Variants in MLLT3 observed in about 807,000 individuals in gnomAD.
The protein encoded by MLLT3 is MLLT3 super elongation complex subunit, also known as protein AF-9.
MLLT3 carries 4 observed loss-of-function variants against 53.2 expected under a neutral mutation model. The ratio of observed to expected loss-of-function variants is 0.08; its 90% CI spans 0.04 to 0.17. MLLT3 has a LOEUF of 0.17. MLLT3 is among the 10% of genes least tolerant of loss of function. The pLI, the probability that MLLT3 is intolerant of heterozygous loss-of-function variation, is 1.00. For synonymous variants in MLLT3, 283 were observed against 230.6 expected (o/e 1.23, Z -2.06); for missense variants, 569 against 684.0 (o/e 0.83, Z 1.87).
At position 20,585,858 on chromosome 9, in the gene MLLT3, G is replaced by A. The variant is rs376628048; in HGVS notation, c.193+34796C>T. On this transcript the variant is annotated intron_variant, in intron 2 of 10. Coordinates refer to ENST00000380338, the MANE Select transcript of MLLT3 (RefSeq NM_004529.4). ...AATATATTAAGACCTTTCTAATACA[G>A]TCAAGAATACCAAACACTAAACAGA... 2.6e-5 allele frequency among the ~76,000 whole-genome samples: 4 copies of A among 152,274 alleles called. 1 individual carries two copies. The highest frequency in any genetic ancestry group is 2.1e-4 in the South Asian group (1 of 4,824).
chr9:20,471,987 C>T (rs1314210325), intron 2 of MLLT3, among the ~76,000 whole-genome samples: 1 of 151,966 alleles, frequency 6.6e-6, no homozygotes, highest in East Asian at 1.9e-4. Flanking sequence ...TACTGTTAAA[C>T]TGTTAAGGTG....
chr9:20,491,642 T>A (rs1211990819), intron 2 of MLLT3, among the ~76,000 whole-genome samples: 2 of 152,104 alleles, frequency 1.3e-5, no homozygotes, highest in African/African-American at 4.8e-5. Context: ...AGAGACTCAG[T>A]CAAAACTCAA....
At chr9:20,465,935 T>G (rs1467689859) in intron 2 of MLLT3, among the ~76,000 whole-genome samples, 1 of 152,132 alleles carries the variant, frequency 6.6e-6, no homozygotes, top group Non-Finnish European at 1.5e-5. Context: ...CTTTCAATCT[T>G]CTTCAAGAAA....
rs947134122 is a variant in MLLT3, at chr9:20,592,607, G to C, written c.193+28047C>G. ...AGTCATTCTTAGAACTTCAACATAC[G>C]AATTTGTGGTGCATGGGTAGGGGGC... On this transcript the variant is annotated intron_variant, in intron 2 of 10. Transcript: ENST00000380338. Among the ~76,000 whole-genome samples, 4 of 152,094 alleles carry C rather than the reference G, an allele frequency of 2.6e-5. No individual in the cohort carries two copies. In the South Asian group the frequency reaches 6.2e-4, roughly 24 times the overall value.
intron 2 of MLLT3, among the ~76,000 whole-genome samples, chr9:20,547,530 G>A (rs767275858): frequency 5.9e-5 from 9 of 151,646 alleles, no homozygotes; most frequent in Non-Finnish European, 8.8e-5. Context: ...TGTAATCCCA[G>A]CTACTCGGGA....
In MLLT3 at chr9:20,548,197, C is replaced by A. The variant is rs144939043; in HGVS notation, c.193+72457G>T. ...AGAATTCAATTCTCTAATCTAACCA[C>A]ATTTCAAGTACTCAACAGTCAAATT... On this transcript the variant is annotated intron_variant, in intron 2 of 10. Transcript: ENST00000380338. Among the ~76,000 whole-genome samples, 15 of 152,326 alleles carry A rather than the reference C, an allele frequency of 9.8e-5. No homozygotes were observed. In the East Asian group the frequency reaches 2.3e-3, roughly 23 times the overall value.
At chr9:20,400,057 G>C (rs1022679594) in intron 5 of MLLT3, among the ~76,000 whole-genome samples, 4 of 151,434 alleles carry the variant, frequency 2.6e-5, no homozygotes, top group African/African-American at 9.7e-5. Flanking sequence ...AAAAAAAAGA[G>C]ATAATCTTAC....
chr9:20,573,538 T>C (rs1186041969), intron 2 of MLLT3, among the ~76,000 whole-genome samples: 2 of 150,316 alleles, frequency 1.3e-5, no homozygotes, highest in African/African-American at 2.5e-5. Flanking sequence ...AAAATGGAAA[T>C]GAATGAAGAC....
intron 4 of MLLT3, among the ~76,000 whole-genome samples, chr9:20,426,640 T>C (rs1586941040): frequency 6.6e-6 from 1 of 152,138 alleles, no homozygotes; most frequent in Admixed American, 6.6e-5. Context: ...CGCAAAGGAA[T>C]ATGCTGAAAC....
intron 4 of MLLT3, among the ~76,000 whole-genome samples, chr9:20,424,484 A>T (rs1823093607): frequency 6.6e-6 from 1 of 152,182 alleles, no homozygotes; most frequent in Non-Finnish European, 1.5e-5. Context: ...CAAATCACAT[A>T]AATAATCACC....
intron 2 of MLLT3, among the ~76,000 whole-genome samples, chr9:20,498,266 A>AAAAAAAAAAAAG (rs760352616): frequency 2.0e-5 from 2 of 98,350 alleles, no homozygotes; most frequent in South Asian, 3.5e-4. Flanking sequence ...AAAAAAAAAA[A>AAAAAAAAAAAAG]GTTCTTCTAG....
intron 2 of MLLT3, among the ~76,000 whole-genome samples, chr9:20,575,778 T>C (rs1283322091): frequency 6.6e-6 from 1 of 152,226 alleles, no homozygotes; most frequent in Admixed American, 6.5e-5. Context: ...GTTCCATTTA[T>C]AGAGCACAGG....
chr9:20,404,352 A>G (rs1266658930), intron 5 of MLLT3, among the ~76,000 whole-genome samples: 1 of 152,216 alleles, frequency 6.6e-6, no homozygotes, highest in Non-Finnish European at 1.5e-5. Flanking sequence ...TGCAATTGAT[A>G]AAATTACCTA....
At chr9:20,357,012 A>C (rs1821186626) in intron 8 of MLLT3, among the ~76,000 whole-genome samples, 1 of 152,168 alleles carries the variant, frequency 6.6e-6, no homozygotes, top group Admixed American at 6.5e-5. Context: ...ATTCTGAGAG[A>C]GCTGAGCCCT....
At chr9:20,413,624 T>G in intron 5 of MLLT3, 97 bp downstream of exon 5, 1 of 1,045,748 alleles carries the variant, frequency 9.6e-7, no homozygotes, top group Non-Finnish European at 1.4e-6. Context: ...ATTTTATGGC[T>G]CAGCATTCAT....
chr9:20,588,565 G>T (rs1193017620), intron 2 of MLLT3, among the ~76,000 whole-genome samples: 2 of 152,106 alleles, frequency 1.3e-5, no homozygotes, highest in Non-Finnish European at 2.9e-5. Context: ...CACATCCCTT[G>T]TAAGTTGGAT....
intron 2 of MLLT3, among the ~76,000 whole-genome samples, chr9:20,517,199 A>G (rs1258110195): frequency 6.6e-6 from 1 of 152,186 alleles, no homozygotes; most frequent in Non-Finnish European, 1.5e-5. Flanking sequence ...GAAAAACAGA[A>G]AAGGAAAAGC....
chr9:20,606,340 C>T (rs569995096), intron 2 of MLLT3, among the ~76,000 whole-genome samples: 1 of 151,510 alleles, frequency 6.6e-6, no homozygotes, highest in Non-Finnish European at 1.5e-5. Flanking sequence ...GGGGTGAAGG[C>T]GGATTCATGA....
chr9:20,467,739 C>T (rs1824271445), intron 2 of MLLT3, among the ~76,000 whole-genome samples: 1 of 152,008 alleles, frequency 6.6e-6, no homozygotes, highest in Non-Finnish European at 1.5e-5. Flanking sequence ...ACAGAGAATA[C>T]AGAAAATGAA....
Sources: allele counts gnomAD v4.1 joint callset (sites outside exome capture counted in the v4.1 genomes callset), GRCh38; gene constraint gnomAD v4.1.1; transcripts MANE v1.5; gene names NCBI Gene and HGNC (gene_info 2026-07-23, HGNC 2026-07-21).